The following IKZF1 variants were observed in gnomAD, a reference collection of about 807,000 sequenced individuals.
The protein encoded by IKZF1 is IKAROS family zinc finger 1.
A neutral mutation model predicts 51.7 loss-of-function variants in IKZF1; 10 were observed. The ratio of observed to expected loss-of-function variants is 0.19; its 90% CI spans 0.12 to 0.33. The LOEUF (loss-of-function observed/expected upper bound fraction) is 0.33. IKZF1 is among the 10% of genes least tolerant of loss of function. IKZF1 has a pLI of 1.00. For missense variants in IKZF1, 484 were observed against 707.5 expected, an observed-to-expected ratio of 0.68 and a Z score of 3.58; for synonymous variants, 280 against 282.3, an observed-to-expected ratio of 0.99 and a Z score of 0.08.
intron 3 of IKZF1, among the ~76,000 whole-genome samples, chr7:50,358,138 A>G (rs574510051): frequency 1.3e-5 from 2 of 151,964 alleles, no homozygotes; most frequent in African/African-American, 2.4e-5. Context: ...GTGTGACCCA[A>G]ATTAGTCGTT....
At chr7:50,338,389 C>G (rs1241648497) in intron 3 of IKZF1, among the ~76,000 whole-genome samples, 1 of 152,100 alleles carries the variant, frequency 6.6e-6, no homozygotes, top group Non-Finnish European at 1.5e-5. Flanking sequence ...GGTTTTTGGT[C>G]CCAGTTTTAT....
intron 3 of IKZF1, among the ~76,000 whole-genome samples, chr7:50,362,072 G>GCC (rs1275460848): frequency 2.0e-5 from 3 of 152,184 alleles, no homozygotes; most frequent in Non-Finnish European, 4.4e-5. Flanking sequence ...TAGGACTGGT[G>GCC]CCTAGTTGTA....
intron 1 of IKZF1, among the ~76,000 whole-genome samples, 155 bp from the exon 2 acceptor site, chr7:50,318,893 G>T (rs548758590): frequency 4.6e-5 from 7 of 152,208 alleles, no homozygotes; most frequent in Non-Finnish European, 1.0e-4. Context: ...GTCTGTGCCA[G>T]TCTGATACTC....
chr7:50,365,894 C>T (rs771325927), intron 3 of IKZF1, among the ~76,000 whole-genome samples: 6 of 152,114 alleles, frequency 3.9e-5, no homozygotes, highest in Non-Finnish European at 7.3e-5. Context: ...CAATGATAGA[C>T]TGGATAAAGA....
At chr7:50,378,029 G>A (rs929777565) in intron 4 of IKZF1, among the ~76,000 whole-genome samples, 16 of 152,216 alleles carry the variant, frequency 1.1e-4, no homozygotes, top group South Asian at 4.1e-4. Context: ...TGCTGCTTCC[G>A]TGGGGGCGAA....
intron 7 of IKZF1, among the ~76,000 whole-genome samples, chr7:50,398,566 G>A (rs1384314507): frequency 6.6e-6 from 1 of 152,154 alleles, no homozygotes; most frequent in Non-Finnish European, 1.5e-5. Flanking sequence ...CCTTGTCTTC[G>A]TGGATTTCTC....
rs544304427 is a variant in IKZF1 at position 50,372,629 on chromosome 7, G to T, written c.161-3904G>T. ...CTCTTTTTTAGAAACCTAGAGCATC[G>T]CAGTGTCCTTAATTTTCCTCTTCAA... is the stretch of plus-strand genomic sequence containing the variant. On this transcript the variant is annotated intron_variant, in intron 3 of 7. Transcript: ENST00000331340. 2.6e-5 allele frequency among the ~76,000 whole-genome samples: 4 copies of T among 152,284 alleles called. No individual in the cohort carries two copies. The East Asian group carries it at 7.7e-4, about 29-fold the overall frequency.
chr7:50,360,867 T>G (rs1804997442), intron 3 of IKZF1, among the ~76,000 whole-genome samples: 1 of 152,214 alleles, frequency 6.6e-6, no homozygotes, highest in Non-Finnish European at 1.5e-5. Context: ...GGCCTAGATA[T>G]GGAAAGGTGG....
chr7:50,372,144 TCTC>T (rs1215622452), intron 3 of IKZF1, among the ~76,000 whole-genome samples: 1 of 152,194 alleles, frequency 6.6e-6, no homozygotes, highest in African/African-American at 2.4e-5. Context: ...TTGCTTGTAT[TCTC>T]CTCCTAGCTG....
At chr7:50,352,085 T>A (rs1802001943) in intron 3 of IKZF1, among the ~76,000 whole-genome samples, 1 of 152,224 alleles carries the variant, frequency 6.6e-6, no homozygotes, top group Non-Finnish European at 1.5e-5. Flanking sequence ...TTGCCTCCAA[T>A]GCAGCAGAGA....
intron 6 of IKZF1, among the ~76,000 whole-genome samples, chr7:50,388,229 A>G (rs1231996328): frequency 6.6e-6 from 1 of 152,238 alleles, no homozygotes; most frequent in Non-Finnish European, 1.5e-5. Context: ...AAATAAAACT[A>G]ATCTCTTTCA....
chr7:50,373,075 C>G (rs1310452105), intron 3 of IKZF1, among the ~76,000 whole-genome samples: 4 of 152,210 alleles, frequency 2.6e-5, no homozygotes, highest in Non-Finnish European at 5.9e-5. Flanking sequence ...AGTGGCTGAT[C>G]TCCAGGCCTC....
In IKZF1 at chr7:50,399,990, C is replaced by T. The variant is rs767081998; in HGVS notation, c.923C>T (p.Ser308Phe). The T allele has an allele frequency of 1.2e-6, 2 of 1,613,510 alleles. No homozygotes were observed. Among genetic ancestry groups the T allele is most frequent in the Admixed American group, 3.3e-5 (2 of 59,996 alleles). The change falls in exon 8 of 8, where the codon TCC becomes TTC. Residue 308 changes from serine to phenylalanine, a missense_variant. Physicochemically the swap from Ser to Phe is radical, Grantham distance 155. Around this residue, in one of 6 missense-constraint regions of IKZF1, gnomAD observed 172 missense variants for 192.7 expected, o/e 0.89. Transcript: ENST00000331340. The stretch of plus-strand genomic sequence containing the variant: ...GAGAAGGAGAACGAAATGATGAAGT[C>T]CCACGTGATGGACCAAGCCATCAAC... Reference protein sequence around the residue: ...SYEKENEMMKSHVMDQAINNA... With the variant: ...SYEKENEMMKFHVMDQAINNA...
chr7:50,335,349 G>A (rs1797423855), intron 3 of IKZF1, among the ~76,000 whole-genome samples: 1 of 146,644 alleles, frequency 6.8e-6, no homozygotes, highest in African/African-American at 2.5e-5. Context: ...GGTGTGTTGT[G>A]TATGTGTGTG....
intron 6 of IKZF1, among the ~76,000 whole-genome samples, chr7:50,391,230 G>A (rs184680917): frequency 3.3e-5 from 5 of 152,296 alleles, no homozygotes; most frequent in Non-Finnish European, 5.9e-5. Flanking sequence ...AAGGGGCTCT[G>A]GGTTTTTCCT....
Position 50,334,249 on chromosome 7 carries a change from A to G in IKZF1, c.160+6492A>G, listed in dbSNP as rs1732610006. Among the ~76,000 whole-genome samples, 3 of 152,224 alleles carry G rather than the reference A, an allele frequency of 2.0e-5. No individual in the cohort carries two copies. The South Asian group carries it at 6.2e-4, about 32-fold the overall frequency. ...CATCTTGTACTAGGTTTTGGAATAG[A>G]CCGGTGAGATCAGGCAGCAGAAGTT... On this transcript the variant is annotated intron_variant, in intron 3 of 7. Transcript: ENST00000331340.
At chr7:50,328,081 C>T (rs1159562205) in intron 3 of IKZF1, 3 of 221,834 alleles carry the variant, frequency 1.4e-5, no homozygotes, top group African/African-American at 4.5e-5. Flanking sequence ...GATTGTAGAT[C>T]GTGAAAATTA....
intron 1 of IKZF1, among the ~76,000 whole-genome samples, chr7:50,313,529 C>T (rs1790695284): frequency 6.6e-6 from 1 of 152,204 alleles, no homozygotes; most frequent in Non-Finnish European, 1.5e-5. Flanking sequence ...CCATCCTTAT[C>T]TGTCATGCAT....
At chr7:50,397,026 G>A (rs1816891890) in intron 7 of IKZF1, among the ~76,000 whole-genome samples, 2 of 152,204 alleles carry the variant, frequency 1.3e-5, no homozygotes, top group African/African-American at 4.8e-5. Flanking sequence ...ATGCTTTTCT[G>A]ATCAGAACAG....
Sources: allele counts gnomAD v4.1 joint callset (sites outside exome capture counted in the v4.1 genomes callset), GRCh38; gene constraint gnomAD v4.1.1; regional missense constraint gnomAD v4.1.1; transcripts MANE v1.5; gene names NCBI Gene and HGNC (gene_info 2026-07-23, HGNC 2026-07-21).